Variants in CCDC102B observed in about 807,000 individuals in gnomAD.
The protein encoded by CCDC102B is coiled-coil domain containing 102B, also known as coiled-coil domain-containing protein 102B.
A neutral mutation model predicts 57.4 loss-of-function variants in CCDC102B; 75 were observed. The observed-to-expected ratio is 1.31, with a 90% CI of 1.08 to 1.58. CCDC102B has a LOEUF of 1.58. CCDC102B is among the 40% of genes most tolerant of loss of function. The pLI, the probability that CCDC102B is intolerant of heterozygous loss-of-function variation, is 0.00. For missense variants in CCDC102B, 636 were observed against 582.6 expected, an observed-to-expected ratio of 1.09 and a Z score of -0.94; for synonymous variants, 206 against 201.9, an observed-to-expected ratio of 1.02 and a Z score of -0.17.
At chr18:68,763,001 A>G (rs188337269) in intron 2 of CCDC102B, among the ~76,000 whole-genome samples, 78 of 152,132 alleles carry the variant, frequency 5.1e-4, no homozygotes, top group Middle Eastern at 3.4e-3. Flanking sequence ...TTAGGGGGGA[A>G]AAAAGCTTCT....
chr18:68,901,205 A>G (rs545965741), intron 6 of CCDC102B, among the ~76,000 whole-genome samples: 1 of 152,310 alleles, frequency 6.6e-6, no homozygotes, highest in East Asian at 1.9e-4. Flanking sequence ...TCTATATTTG[A>G]GTACATCAAC....
chr18:68,832,355 A>C (rs1352805712), intron 1 of CCDC102B, among the ~76,000 whole-genome samples: 1 of 152,108 alleles, frequency 6.6e-6, no homozygotes, highest in Non-Finnish European at 1.5e-5. Flanking sequence ...CCTTTCAAAG[A>C]TTTAGTTAAA....
intron 4 of CCDC102B, among the ~76,000 whole-genome samples, chr18:68,853,702 A>AAAAAAAAAAAAAAAAAAAC (rs2038248352): frequency 6.9e-6 from 1 of 145,044 alleles, no homozygotes; most frequent in Non-Finnish European, 1.5e-5. Context: ...AAAAAAAAAA[A>AAAAAAAAAAAAAAAAAAAC]TCTGACTCAA....
In CCDC102B at chr18:68,874,745, A is replaced by G; in HGVS notation, c.1013A>G (p.Gln338Arg). 6.2e-7 allele frequency: 1 copy of G among 1,605,950 alleles called. No homozygotes were observed. The highest frequency in any genetic ancestry group is 1.1e-5 in the South Asian group (1 of 90,872). The stretch of plus-strand genomic sequence containing the variant: ...AATATAAAGGAAGAATCCAAATCTC[A>G]AAACAGCAAAGACAGAGTGATTTGT... ...SGNIKEESKS[Q>R]NSKDRVICEL... The change falls in exon 5 of 8, where the codon CAA becomes CGA. Residue 338 changes from glutamine (Q) to arginine (R), a missense_variant. Transcript: ENST00000360242.
At chr18:68,765,429 G>A (rs1447604001) in intron 2 of CCDC102B, among the ~76,000 whole-genome samples, 2 of 149,488 alleles carry the variant, frequency 1.3e-5, no homozygotes, top group African/African-American at 4.9e-5. Context: ...AAAGAGAAAG[G>A]AAAGAAGGAA....
At chr18:68,928,764 CTT>C (rs1286038017) in intron 6 of CCDC102B, among the ~76,000 whole-genome samples, 1 of 151,834 alleles carries the variant, frequency 6.6e-6, no homozygotes, top group Non-Finnish European at 1.5e-5. Context: ...TTTTAATTAA[CTT>C]GAGCCTTTTT....
At chr18:68,732,149 G>A (rs181230532) in intron 2 of CCDC102B, among the ~76,000 whole-genome samples, 4 of 151,282 alleles carry the variant, frequency 2.6e-5, no homozygotes, top group East Asian at 2.0e-4. Flanking sequence ...ACTGCTTCAG[G>A]GGGGAATCTT....
chr18:68,945,122 CCACA>C (rs34611934), intron 6 of CCDC102B, among the ~76,000 whole-genome samples: 5 of 143,936 alleles, frequency 3.5e-5, no homozygotes, highest in East Asian at 2.1e-4. Flanking sequence ...CTCTCTCTCT[CCACA>C]CACACACACA....
At chr18:68,844,077 C>T (rs535238443) in intron 3 of CCDC102B, among the ~76,000 whole-genome samples, 2 of 151,996 alleles carry the variant, frequency 1.3e-5, no homozygotes, top group South Asian at 4.1e-4. Flanking sequence ...AAAATGCATA[C>T]TTTTCTTTTA....
intron 5 of CCDC102B, among the ~76,000 whole-genome samples, chr18:68,875,324 T>C (rs2039401824): frequency 6.6e-6 from 1 of 152,316 alleles, no homozygotes; most frequent in South Asian, 2.1e-4. Flanking sequence ...TGTTTTTTAC[T>C]GTTCTGTAGG....
chr18:68,722,740 G>C (rs953541504), intron 2 of CCDC102B, among the ~76,000 whole-genome samples: 1 of 152,106 alleles, frequency 6.6e-6, no homozygotes, highest in Non-Finnish European at 1.5e-5. Flanking sequence ...AATACAAACT[G>C]CTTCTTCTCA....
At chr18:68,866,044 A>G (rs1025269592) in intron 4 of CCDC102B, among the ~76,000 whole-genome samples, 6 of 152,180 alleles carry the variant, frequency 3.9e-5, no homozygotes, top group Admixed American at 3.9e-4. Flanking sequence ...AATTTCATCC[A>G]TGAACACACA....
At chr18:68,953,096 A>G (rs2145201379) in intron 6 of CCDC102B, among the ~76,000 whole-genome samples, 1 of 152,178 alleles carries the variant, frequency 6.6e-6, no homozygotes, top group Middle Eastern at 3.4e-3. Flanking sequence ...TTTAGAAACA[A>G]TACTGAAAAG....
chr18:68,734,270 C>A (rs1257823823), intron 2 of CCDC102B, among the ~76,000 whole-genome samples: 1 of 152,164 alleles, frequency 6.6e-6, no homozygotes, highest in East Asian at 1.9e-4. Flanking sequence ...ACAGCAGATA[C>A]CTAGCTCTGA....
intron 6 of CCDC102B, among the ~76,000 whole-genome samples, chr18:68,992,061 C>T (rs2050882833): frequency 6.6e-6 from 1 of 151,858 alleles, no homozygotes; most frequent in African/African-American, 2.4e-5. Flanking sequence ...CTTATTTTTG[C>T]CAGTTATTGT....
At chr18:69,049,748 C>T (rs575163905) in intron 7 of CCDC102B, among the ~76,000 whole-genome samples, 4 of 151,350 alleles carry the variant, frequency 2.6e-5, no homozygotes, top group African/African-American at 9.8e-5. Context: ...TCCTAAAAAG[C>T]AGTTCAAAGC....
At chr18:68,814,778 G>A (rs663952) in intron 1 of CCDC102B, among the ~76,000 whole-genome samples, 85,899 of 151,734 alleles carry the variant, frequency 0.57, 26,130 homozygotes, top group Non-Finnish European at 0.7. Flanking sequence ...AGCAACGAGC[G>A]TGTTTCCCAA....
intron 6 of CCDC102B, among the ~76,000 whole-genome samples, chr18:68,933,834 T>C: frequency 6.6e-6 from 1 of 151,852 alleles, no homozygotes; most frequent in East Asian, 1.9e-4. Context: ...GAAACATAAC[T>C]AAAGAACATA....
At chr18:68,733,024 T>G (rs1017710246) in intron 2 of CCDC102B, among the ~76,000 whole-genome samples, 1 of 152,134 alleles carries the variant, frequency 6.6e-6, no homozygotes, top group Admixed American at 6.6e-5. Flanking sequence ...GGGAAGGTTA[T>G]GCTAAGGCTA....
Sources: gnomAD v4.1 joint callset for allele counts (sites outside exome capture counted in the v4.1 genomes callset) on GRCh38, gnomAD v4.1.1 for gene constraint, MANE v1.5 for transcripts, NCBI Gene and HGNC (gene_info 2026-07-23, HGNC 2026-07-21) for gene names.